SLF1: variants seen among roughly 807,000 people sequenced by gnomAD.
SLF1 encodes SMC5-SMC6 complex localization factor protein 1.
SLF1 carries 105 observed loss-of-function variants against 123.0 expected under a neutral mutation model. The observed-to-expected ratio is 0.85, with a 90% CI of 0.73 to 1.00. The LOEUF (loss-of-function observed/expected upper bound fraction) is 1.00, where lower values mean the gene tolerates loss of function less well. Among genes scored for constraint, SLF1 ranks in the 50% least tolerant of loss-of-function variants. SLF1 has a pLI of 0.00. For missense variants in SLF1, 1,239 were observed against 1,223.0 expected, an observed-to-expected ratio of 1.01 and a Z score of -0.20; for synonymous variants, 434 against 406.6, an observed-to-expected ratio of 1.07 and a Z score of -0.81.
At chr5:94,632,021 G>A (rs1413709292) in intron 4 of SLF1, among the ~76,000 whole-genome samples, 2 of 140,158 alleles carry the variant, frequency 1.4e-5, no homozygotes, top group Non-Finnish European at 3.0e-5. Context: ...GGTGATGCAT[G>A]TCCTAGTCCT....
intron 13 of SLF1, 114 bp from the exon 14 acceptor site, chr5:94,670,729 A>G (rs1050728163): frequency 1.2e-5 from 9 of 734,852 alleles, no homozygotes; most frequent in Non-Finnish European, 1.8e-5. Context: ...TAATCTTTAT[A>G]TTTTATGATC....
chr5:94,690,079 T>A (rs1752904817), intron 18 of SLF1, among the ~76,000 whole-genome samples: 1 of 152,224 alleles, frequency 6.6e-6, no homozygotes, highest in Non-Finnish European at 1.5e-5. Flanking sequence ...GAGCCCAGAC[T>A]ATGAAATGTG....
At chr5:94,635,199 C>G (rs1745618520) in intron 4 of SLF1, among the ~76,000 whole-genome samples, 1 of 151,814 alleles carries the variant, frequency 6.6e-6, no homozygotes, top group African/African-American at 2.4e-5. Context: ...AATGTAAATT[C>G]TATTTTGTCT....
intron 14 of SLF1, among the ~76,000 whole-genome samples, chr5:94,676,554 G>C (rs1451924172): frequency 6.6e-6 from 1 of 152,218 alleles, no homozygotes; most frequent in Non-Finnish European, 1.5e-5. Flanking sequence ...GGCTGTCTTG[G>C]TCGCTGATCA....
At chr5:94,681,812 T>C (rs1022660352) in intron 15 of SLF1, among the ~76,000 whole-genome samples, 3 of 152,172 alleles carry the variant, frequency 2.0e-5, no homozygotes, top group Non-Finnish European at 4.4e-5. Context: ...CCATGTCTAG[T>C]TTTTTCTTTT....
Position 94,688,671 on chromosome 5 carries a change from T to A in SLF1, c.2285+2T>A, listed in dbSNP as rs1246372271. On this transcript the variant is annotated splice_donor_variant, in intron 17 of 20. Transcript: ENST00000265140. LOFTEE classifies it high-confidence loss of function. ...AGTCGAAGGGCTGCCAGAGTTACTG[T>A]AAGTGATGCTGATATCCCAGCTGTG... is the stretch of plus-strand genomic sequence containing the variant. The A allele has an allele frequency of 1.2e-6, 2 of 1,613,628 alleles. No individual in the cohort carries two copies. Among genetic ancestry groups the A allele is most frequent in the Admixed American group, 1.7e-5 (1 of 59,970 alleles).
chr5:94,627,622 C>CTAT (rs1554061301), intron 1 of SLF1, among the ~76,000 whole-genome samples: 1 of 60,580 alleles, frequency 1.7e-5, no homozygotes, highest in Non-Finnish European at 3.6e-5. Context: ...ATATATATAG[C>CTAT]AAAGTTAAGA....
At chr5:94,682,733 C>G (rs981641366) in intron 15 of SLF1, among the ~76,000 whole-genome samples, 3 of 152,186 alleles carry the variant, frequency 2.0e-5, no homozygotes, top group East Asian at 1.9e-4. Context: ...TTTCTAAACA[C>G]TTTGGACAGA....
Position 94,692,193 on chromosome 5 carries a change from C to G in SLF1, c.2632C>G (p.Pro878Ala). The G allele has an allele frequency of 1.2e-6, 2 of 1,613,832 alleles. No individual in the cohort carries two copies. Among genetic ancestry groups the G allele is most frequent in the East Asian group, 2.2e-5 (1 of 44,864 alleles). ...DLLTQVDGVT[P>A]LHDALSNGHV... ...GCTCACTCAAGTGGACGGGGTGACT[C>G]CTTTGCATGATGCACTGTCAAACGG... The change falls in exon 20 of 21, where the codon CCT becomes GCT. Residue 878 changes from proline (P) to alanine (A), a missense_variant. Physicochemically the swap from Pro to Ala is conservative, Grantham distance 27 (BLOSUM62 -1). Transcript: ENST00000265140.
intron 11 of SLF1, among the ~76,000 whole-genome samples, chr5:94,665,344 G>T (rs997852315): frequency 6.6e-6 from 1 of 152,154 alleles, no homozygotes; most frequent in Non-Finnish European, 1.5e-5. Flanking sequence ...TGTTATTCAG[G>T]TATCAGCTGT....
chr5:94,672,447 CTCTCTCCCTCTT>C (rs1474375887), intron 14 of SLF1, among the ~76,000 whole-genome samples: 5 of 151,436 alleles, frequency 3.3e-5, no homozygotes, highest in Admixed American at 6.6e-5. Flanking sequence ...CCCTTTCTCT[CTCTCTCCCTCTT>C]TCTCTCCCTC....
chr5:94,670,823 T>G lies in SLF1; in HGVS notation c.1662-20T>G, dbSNP rs200128603. On this transcript the variant is annotated intron_variant, in intron 13 of 20. Transcript: ENST00000265140. ...ATCAAATTGGCTTAAAGATATACTTTTTGTTTATATTTTAATTAGGTTGTA... is the reference window on the plus strand; with the variant it reads ...ATCAAATTGGCTTAAAGATATACTTGTTGTTTATATTTTAATTAGGTTGTA... 122 of 1,523,776 alleles carry G rather than the reference T, an allele frequency of 8.0e-5. No homozygotes were observed. The highest frequency in any genetic ancestry group is 1.0e-4 in the Non-Finnish European group (118 of 1,127,878). 94.4% of individuals were successfully genotyped at this position (1,523,776 alleles called of 1,614,324 possible).
intron 12 of SLF1, 26 bp from the exon 13 acceptor site, chr5:94,670,125 T>C (rs1478146470): frequency 3.9e-6 from 6 of 1,523,600 alleles, no homozygotes; most frequent in African/African-American, 2.8e-5. Flanking sequence ...TTGTATGTTA[T>C]AGATTTTTGG....
intron 12 of SLF1, among the ~76,000 whole-genome samples, chr5:94,666,634 G>T (rs1355744373): frequency 1.3e-5 from 2 of 151,684 alleles, no homozygotes; most frequent in Non-Finnish European, 2.9e-5. Flanking sequence ...TATTCTTCTG[G>T]GAAGATCTTT....
intron 3 of SLF1, 53 bp downstream of exon 3, chr5:94,629,220 A>G: frequency 1.5e-6 from 2 of 1,355,216 alleles, no homozygotes; most frequent in Non-Finnish European, 2.0e-6. Flanking sequence ...TGTTAAAGCA[A>G]AAGTATTTTA....
intron 9 of SLF1, 150 bp from the exon 10 acceptor site, chr5:94,662,148 C>G (rs373657882): frequency 2.1e-6 from 1 of 469,194 alleles, no homozygotes; most frequent in South Asian, 5.1e-5. Context: ...ATAAAAGTTG[C>G]TAGTTTGAGT....
chr5:94,641,109 T>G (rs1323851261), intron 4 of SLF1, among the ~76,000 whole-genome samples: 1 of 152,020 alleles, frequency 6.6e-6, no homozygotes, highest in Non-Finnish European at 1.5e-5. Flanking sequence ...TTCTGTAAGG[T>G]GGTTAGTATG....
At chr5:94,618,262 T>C (rs983763441), upstream of SLF1, 11 of 152,202 alleles carry the variant, frequency 7.2e-5, no homozygotes, top group African/African-American at 2.7e-4. Context: ...CCAGGGACAC[T>C]TGGTGACCCG....
chr5:94,665,297 A>G (rs542476597), intron 11 of SLF1, among the ~76,000 whole-genome samples: 2 of 152,194 alleles, frequency 1.3e-5, no homozygotes, highest in Non-Finnish European at 2.9e-5. Context: ...TTATTGGAAA[A>G]AAATTCATGT....
Sources: allele counts gnomAD v4.1 joint callset (sites outside exome capture counted in the v4.1 genomes callset), GRCh38; gene constraint gnomAD v4.1.1; transcripts MANE v1.5; gene names NCBI Gene and HGNC (gene_info 2026-07-23, HGNC 2026-07-21).